Variants in NGDN observed in about 807,000 individuals in gnomAD.
The protein encoded by NGDN is neuroguidin.
In NGDN, 41 loss-of-function variants were observed where a neutral mutation model predicts 45.2. That is an observed-to-expected ratio of 0.91 (90% CI 0.71 to 1.18). The LOEUF is 1.18. Ranked by LOEUF, NGDN falls within the 50% of genes most tolerant of loss-of-function variation. The pLI, the probability that NGDN is intolerant of heterozygous loss-of-function variation, is 0.00. For synonymous variants in NGDN, 137 were observed against 130.9 expected, an observed-to-expected ratio of 1.05 and a Z score of -0.32; for missense variants, 402 against 399.9, an observed-to-expected ratio of 1.01 and a Z score of -0.05.
downstream of NGDN, chr14:23,478,804 C>CAAAAAAAA (rs3045743): frequency 5.9e-5 from 2 of 33,962 alleles, no homozygotes; most frequent in Non-Finnish European, 9.7e-5. Flanking sequence ...AAAGAGCTGG[C>CAAAAAAAA]AAAAAAAAAA....
intron 4 of NGDN, 110 bp from the exon 5 acceptor site, chr14:23,475,448 T>C (rs890956868): frequency 7.4e-7 from 1 of 1,358,114 alleles, no homozygotes; most frequent in South Asian, 1.3e-5. Context: ...ATTCATTTGC[T>C]CTACTTTGTA....
chr14:23,473,718 G>A (rs1893836274), intron 3 of NGDN, among the ~76,000 whole-genome samples: 1 of 152,228 alleles, frequency 6.6e-6, no homozygotes, highest in African/African-American at 2.4e-5. Context: ...AAGAACATAA[G>A]TGAATGATAA....
intron 8 of NGDN, among the ~76,000 whole-genome samples, chr14:23,476,781 G>A (rs762726592): frequency 2.6e-5 from 4 of 152,212 alleles, no homozygotes; most frequent in African/African-American, 7.2e-5. Flanking sequence ...TAGTGACATT[G>A]TGAGTGCTAG....
In NGDN at chr14:23,478,165, G is replaced by A. The variant is rs1956950; in HGVS notation, c.*139G>A. The A allele has an allele frequency of 0.89, 756,410 of 851,058 alleles. 337,084 individuals are homozygous for A. Among genetic ancestry groups the A allele is most frequent in the Admixed American group, 0.92 (36,006 of 39,194 alleles). The allele number at this position is 851,058 out of a possible 1,614,324, so 52.7% of individuals were successfully genotyped here. ...GAGCCTTACTAATAAAATTGATTTTGCTTATGAATTAAAGCCCCTTTTTGC... is the reference window on the plus strand; with the variant it reads ...GAGCCTTACTAATAAAATTGATTTTACTTATGAATTAAAGCCCCTTTTTGC... On this transcript the variant is annotated 3_prime_UTR_variant, in exon 11 of 11. Coordinates refer to ENST00000408901, the MANE Select transcript of NGDN (RefSeq NM_001042635.2).
At chr14:23,477,692 G>C (rs1893936374) in intron 10 of NGDN, 132 bp downstream of exon 10, 2 of 1,488,974 alleles carry the variant, frequency 1.3e-6, no homozygotes, top group Admixed American at 5.3e-5. Context: ...AATCTCCTTA[G>C]GTGGGCTTTT....
At chr14:23,469,820 G>A (rs1472261331) in intron 1 of NGDN, 93 bp downstream of exon 1, 1 of 1,538,894 alleles carries the variant, frequency 6.5e-7, no homozygotes, top group African/African-American at 1.4e-5. Context: ...CCAGGGAAGG[G>A]TGGTGATGAA....
intron 8 of NGDN, 39 bp from the exon 9 acceptor site, chr14:23,477,161 C>T (rs751882761): frequency 5.0e-5 from 81 of 1,608,118 alleles, no homozygotes; most frequent in Non-Finnish European, 5.8e-5. Flanking sequence ...TTTCCATCTC[C>T]ATGGTCTGAG....
rs758234165 is a variant in NGDN at position 23,476,070 on chromosome 14, C to T, written c.462C>T (p.Asp154=). 4 of 1,614,046 alleles carry T rather than the reference C, an allele frequency of 2.5e-6. No homozygotes were observed. Among genetic ancestry groups the T allele is most frequent in the Admixed American group, 3.3e-5 (2 of 60,024 alleles). The change falls in exon 7 of 11, where the codon GAC becomes GAT. Residue 154 remains aspartate, a synonymous_variant. Coordinates refer to ENST00000408901, the MANE Select transcript of NGDN (RefSeq NM_001042635.2). ...AGGAGGAAGATGAAGCAGAAGATGA[C>T]CAGTCTGAGGCTTCAGGGAAGAAAT... ...EDEEEDEAED[D]QSEASGKKSV... is the part of the protein sequence containing the mutation.
Position 23,477,279 on chromosome 14 carries a change from A to G in NGDN, c.793A>G (p.Met265Val), listed in dbSNP as rs1409809410. ...AGGACGGCGAAAACGAGCAAATGTC[A>G]TGAGCTCACAACTTCATTCCCTTAC... ...EKGRRKRANV[M>V]SSQLHSLTHF... is the part of the protein sequence containing the mutation. The change falls in exon 9 of 11, where the codon ATG (methionine) becomes GTG (valine). Residue 265 changes from methionine (M) to valine (V), a missense_variant. Physicochemically the swap from Met to Val is conservative, Grantham distance 21. Transcript: ENST00000408901. The G allele has an allele frequency of 8.7e-6, 14 of 1,614,098 alleles. No individual in the cohort carries two copies. The highest frequency in any genetic ancestry group is 4.5e-5 in the East Asian group (2 of 44,900).
intron 3 of NGDN, among the ~76,000 whole-genome samples, 193 bp from the exon 4 acceptor site, chr14:23,474,978 G>A (rs1893863132): frequency 6.6e-6 from 1 of 152,156 alleles, no homozygotes; most frequent in Non-Finnish European, 1.5e-5. Context: ...TCTGAGCGTT[G>A]TTTCTCTTGT....
rs770196829 is a variant in NGDN at position 23,476,110 on chromosome 14, T to C, written c.502T>C (p.Ser168Pro). The change falls in exon 7 of 11, where the codon TCT (serine) becomes CCT (proline). Residue 168 changes from serine to proline, a missense_variant. Transcript: ENST00000408901. ...ASGKKSVKGV[S>P]KKYVPPRLVP... is the part of the protein sequence containing the mutation. Reference sequence around the variant, plus strand: ...AGGGAAGAAATCTGTGAAGGGAGTGTCTAAGAAATATGTTCCTCCACGCTT... The same window carrying C: ...AGGGAAGAAATCTGTGAAGGGAGTGCCTAAGAAATATGTTCCTCCACGCTT... 1 of 1,614,120 alleles carries C rather than the reference T, an allele frequency of 6.2e-7. No individual in the cohort carries two copies. Among genetic ancestry groups the C allele is most frequent in the Admixed American group, 1.7e-5 (1 of 60,002 alleles).
chr14:23,476,710 T>G (rs1177323924), intron 8 of NGDN, among the ~76,000 whole-genome samples: 2 of 152,318 alleles, frequency 1.3e-5, no homozygotes, highest in East Asian at 3.9e-4. Flanking sequence ...AACTTTAAGA[T>G]TCTGTGTTTC....
intron 3 of NGDN, 136 bp downstream of exon 3, chr14:23,471,113 T>C: frequency 1.9e-6 from 1 of 533,036 alleles, no homozygotes; most frequent in Non-Finnish European, 3.2e-6. Context: ...TGTGCTGAAG[T>C]CTAGAGGGAA....
Position 23,470,067 on chromosome 14 carries a change from G to C in NGDN, c.38G>C (p.Ser13Thr), listed in dbSNP as rs780096329. 6.2e-6 allele frequency: 10 copies of C among 1,613,992 alleles called. No homozygotes were observed. Among genetic ancestry groups the C allele is most frequent in the Non-Finnish European group, 8.5e-6 (10 of 1,179,990 alleles). ...ALGVLESDLP[S>T]AVTLLKNLQE... The stretch of plus-strand genomic sequence containing the variant: ...GGGGTGCTGGAGTCCGACCTGCCAA[G>C]TGCCGTGACACTTCTGAAAAATCTC... Residue 13 changes from serine to threonine, a missense_variant, in exon 2 of 11, where the codon AGT (serine) becomes ACT (threonine). Coordinates refer to ENST00000408901, the MANE Select transcript of NGDN (RefSeq NM_001042635.2).
intron 3 of NGDN, among the ~76,000 whole-genome samples, chr14:23,473,043 C>T (rs941829073): frequency 1.1e-4 from 17 of 152,030 alleles, no homozygotes; most frequent in South Asian, 6.2e-4. Flanking sequence ...TCTGTCGCCC[C>T]GGCTGGAGTG....
intron 3 of NGDN, among the ~76,000 whole-genome samples, chr14:23,473,210 G>A (rs985011380): frequency 5.3e-5 from 8 of 152,052 alleles, no homozygotes; most frequent in African/African-American, 1.9e-4. Flanking sequence ...TGTTAGCCAG[G>A]CTGGTCTCGA....
intron 10 of NGDN, chr14:23,477,802 T>C (rs185809439): frequency 3.4e-6 from 5 of 1,459,376 alleles, no homozygotes; most frequent in Middle Eastern, 2.2e-4. Context: ...CTTCCCTAAA[T>C]AGAACTGGTA....
chr14:23,470,760 G>T, intron 2 of NGDN, 146 bp from the exon 3 acceptor site: 1 of 515,270 alleles, frequency 1.9e-6, no homozygotes, highest in Non-Finnish European at 3.4e-6. Flanking sequence ...TCTCTCCTAT[G>T]CTTTCCGAGA....
Position 23,469,740 on chromosome 14 carries a change from T to G in NGDN, c.12+13T>G. The stretch of plus-strand genomic sequence containing the variant: ...GATGGCGGCGCTGGTGAGTTTGGTG[T>G]GGTTTCTTCCTCGCGTAGCTATTGT... On this transcript the variant is annotated intron_variant, in intron 1 of 10. Transcript: ENST00000408901. 1 of 1,614,128 alleles carries G rather than the reference T, an allele frequency of 6.2e-7. No homozygotes were observed. Among genetic ancestry groups the G allele is most frequent in the Non-Finnish European group, 8.5e-7 (1 of 1,179,998 alleles).
Sources: gnomAD v4.1 joint callset for allele counts (sites outside exome capture counted in the v4.1 genomes callset) on GRCh38, gnomAD v4.1.1 for gene constraint, MANE v1.5 for transcripts, NCBI Gene and HGNC (gene_info 2026-07-23, HGNC 2026-07-21) for gene names.